The following RNF121 variants were observed in gnomAD, a reference collection of about 807,000 sequenced individuals.
RNF121 encodes ring finger protein 121.
In RNF121, 21 loss-of-function variants were observed where a neutral mutation model predicts 46.5. The observed-to-expected ratio is 0.45, with a 90% CI of 0.32 to 0.65. The LOEUF is 0.65. Among genes scored for constraint, RNF121 ranks in the 30% least tolerant of loss-of-function variants. RNF121 has a pLI of 0.04. For missense variants in RNF121, 346 were observed against 416.0 expected, an observed-to-expected ratio of 0.83 and a Z score of 1.46; for synonymous variants, 139 against 144.7, an observed-to-expected ratio of 0.96 and a Z score of 0.28.
In RNF121 at chr11:71,950,906, A is replaced by C. The variant is rs116376379; in HGVS notation, c.64-6321A>C. On this transcript the variant is annotated intron_variant, in intron 1 of 8. Transcript: ENST00000361756. The stretch of plus-strand genomic sequence containing the variant: ...TTGGAGTTAGACAGATTTTATTTGA[A>C]TTATTATAGCATTTTAGCTGAAGAA... 6.8e-3 allele frequency among the ~76,000 whole-genome samples: 1,040 copies of C among 152,296 alleles called. 16 individuals are homozygous for C. The highest frequency in any genetic ancestry group is 0.023 in the African/African-American group (972 of 41,564).
At chr11:71,978,798 C>A (rs1954588267) in intron 3 of RNF121, among the ~76,000 whole-genome samples, 1 of 152,198 alleles carries the variant, frequency 6.6e-6, no homozygotes, top group South Asian at 2.1e-4. Flanking sequence ...ATACTGTTAA[C>A]CCCATTTTAC....
intron 4 of RNF121, among the ~76,000 whole-genome samples, chr11:71,984,293 T>C (rs1384762080): frequency 2.0e-5 from 3 of 152,250 alleles, no homozygotes; most frequent in Non-Finnish European, 2.9e-5. Flanking sequence ...AGCTTTTTTT[T>C]TGAGATGGAG....
In RNF121 at chr11:71,996,715, A is replaced by G. The variant is rs371295709; in HGVS notation, c.*400A>G. ...GGTAGCTGAAGGCCTCAGCCCACCC[A>G]CTCCCTTCTTCCCTGTGTGGGGCTC... On this transcript the variant is annotated 3_prime_UTR_variant, in exon 9 of 9. Transcript: ENST00000361756. 7.8e-5 allele frequency: 15 copies of G among 191,174 alleles called. No homozygotes were observed. The East Asian group carries it at 1.8e-3, about 23-fold the overall frequency. 11.8% of individuals were successfully genotyped at this position (191,174 alleles called of 1,614,324 possible).
intron 3 of RNF121, among the ~76,000 whole-genome samples, chr11:71,972,288 T>A (rs1406478744): frequency 3.3e-5 from 5 of 152,144 alleles, no homozygotes; most frequent in Non-Finnish European, 7.4e-5. Context: ...CCCCGGAGAA[T>A]GTTGTGTAAA....
At chr11:71,953,217 A>T (rs1953922775) in intron 1 of RNF121, among the ~76,000 whole-genome samples, 2 of 152,098 alleles carry the variant, frequency 1.3e-5, no homozygotes, top group Admixed American at 6.6e-5. Context: ...TATTTTTTGT[A>T]GAGATGGGTT....
intron 1 of RNF121, among the ~76,000 whole-genome samples, chr11:71,932,535 T>C (rs1455570035): frequency 1.3e-5 from 2 of 152,328 alleles, no homozygotes; most frequent in East Asian, 3.9e-4. Context: ...TGATACCGTA[T>C]ATTTGATAAG....
intron 1 of RNF121, among the ~76,000 whole-genome samples, chr11:71,956,090 A>G (rs1344731159): frequency 6.6e-6 from 1 of 152,198 alleles, no homozygotes. Context: ...CAGTAGTAGA[A>G]TGAAGTTCTA....
At chr11:71,987,259 A>G in intron 5 of RNF121, 148 bp downstream of exon 5, 1 of 611,272 alleles carries the variant, frequency 1.6e-6, no homozygotes, top group Non-Finnish European at 2.9e-6. Flanking sequence ...GGGAGAAGAC[A>G]GGCTCTCCAT....
At chr11:71,930,484 G>A (rs1290058536) in intron 1 of RNF121, among the ~76,000 whole-genome samples, 1 of 152,128 alleles carries the variant, frequency 6.6e-6, no homozygotes, top group Non-Finnish European at 1.5e-5. Flanking sequence ...AAATTGACAG[G>A]TGATCACAGC....
At chr11:71,953,817 G>A (rs557155187) in intron 1 of RNF121, among the ~76,000 whole-genome samples, 62 of 152,324 alleles carry the variant, frequency 4.1e-4, no homozygotes, top group African/African-American at 1.5e-3. Flanking sequence ...ATTTTGGGGG[G>A]ACAGGAGACC....
At chr11:71,946,070 C>T (rs1034454606) in intron 1 of RNF121, among the ~76,000 whole-genome samples, 2 of 151,774 alleles carry the variant, frequency 1.3e-5, no homozygotes, top group Non-Finnish European at 1.5e-5. Context: ...ATGTTTGTGC[C>T]ACTGCACTCC....
Position 71,957,244 on chromosome 11 carries a change from C to T in RNF121, c.81C>T (p.Leu27=), listed in dbSNP as rs180995046. The T allele has an allele frequency of 7.8e-5, 125 of 1,605,106 alleles. 1 individual carries two copies. In the East Asian group the frequency reaches 2.7e-3, roughly 34 times the overall value. The change falls in exon 2 of 9, where the codon CTC becomes CTT. Residue 27 remains leucine, a synonymous_variant. Coordinates refer to ENST00000361756, the MANE Select transcript of RNF121 (RefSeq NM_018320.5). ...TTCTACAGGTTGATATGTCAGATCT[C>T]TCTCCAGAAGAGCAATGGAGGTAAG... ...RELDEVDMSD[L]SPEEQWRVEH... is the part of the protein sequence containing the mutation.
At chr11:71,973,235 G>C (rs543743518) in intron 3 of RNF121, among the ~76,000 whole-genome samples, 4 of 152,146 alleles carry the variant, frequency 2.6e-5, no homozygotes, top group African/African-American at 9.6e-5. Context: ...GCTCATGCCT[G>C]TAATTCCAGC....
intron 6 of RNF121, among the ~76,000 whole-genome samples, chr11:71,991,980 G>A (rs145582874): frequency 8.6e-4 from 131 of 151,730 alleles, no homozygotes; most frequent in African/African-American, 2.9e-3. Flanking sequence ...CTAGCCGGGC[G>A]TGGTGGCACA....
chr11:71,993,065 C>G (rs954772816), intron 6 of RNF121, among the ~76,000 whole-genome samples: 2 of 152,110 alleles, frequency 1.3e-5, no homozygotes, highest in Non-Finnish European at 2.9e-5. Flanking sequence ...AATTTTTTCT[C>G]TACTGGATCA....
At chr11:71,930,268 G>T (rs1953244783) in intron 1 of RNF121, among the ~76,000 whole-genome samples, 1 of 152,166 alleles carries the variant, frequency 6.6e-6, no homozygotes. Flanking sequence ...GAACCAGTGA[G>T]ATCTCTGAGG....
chr11:71,975,871 A>G (rs2134196780), intron 3 of RNF121, among the ~76,000 whole-genome samples: 1 of 152,338 alleles, frequency 6.6e-6, no homozygotes, highest in Non-Finnish European at 1.5e-5. Context: ...CAGATTTTTC[A>G]GGTCAGCATC....
chr11:71,994,467 T>C (rs758839540), intron 6 of RNF121, among the ~76,000 whole-genome samples: 55 of 152,216 alleles, frequency 3.6e-4, no homozygotes, highest in Admixed American at 7.9e-4. Context: ...TTATAGGTTC[T>C]GTTACATCTA....
chr11:71,971,449 T>C (rs1389848461), intron 3 of RNF121, among the ~76,000 whole-genome samples: 1 of 152,210 alleles, frequency 6.6e-6, no homozygotes, highest in Non-Finnish European at 1.5e-5. Context: ...ATTCGATAAA[T>C]TTGATTTTAT....
Sources: allele counts gnomAD v4.1 joint callset (sites outside exome capture counted in the v4.1 genomes callset), GRCh38; gene constraint gnomAD v4.1.1; transcripts MANE v1.5; gene names NCBI Gene and HGNC (gene_info 2026-07-23, HGNC 2026-07-21).